The following PTGER3 variants were observed in gnomAD, a reference collection of about 807,000 sequenced individuals.
The protein encoded by PTGER3 is prostaglandin E2 receptor EP3 subtype.
A neutral mutation model predicts 34.7 loss-of-function variants in PTGER3; 22 were observed. That is an observed-to-expected ratio of 0.63 (90% CI 0.45 to 0.91). The LOEUF (loss-of-function observed/expected upper bound fraction) is 0.91, where lower values mean the gene tolerates loss of function less well. PTGER3 is among the 40% of genes least tolerant of loss of function. The pLI, the probability that PTGER3 is intolerant of heterozygous loss-of-function variation, is 0.00. For missense variants in PTGER3, 468 were observed against 519.4 expected, an observed-to-expected ratio of 0.90 and a Z score of 0.96; for synonymous variants, 241 against 230.1, an observed-to-expected ratio of 1.05 and a Z score of -0.43.
At chr1:71,030,819 C>G (rs953144933) in intron 1 of PTGER3, among the ~76,000 whole-genome samples, 2 of 148,682 alleles carry the variant, frequency 1.3e-5, no homozygotes, top group African/African-American at 4.9e-5. Context: ...AATTATCTGA[C>G]CCAGACAATT....
At chr1:71,023,208 C>T (rs1374724663) in intron 1 of PTGER3, among the ~76,000 whole-genome samples, 1 of 151,886 alleles carries the variant, frequency 6.6e-6, no homozygotes, top group Non-Finnish European at 1.5e-5. Flanking sequence ...AGGCCACCAA[C>T]AAGGTTGCAG....
At chr1:70,921,193 C>T (rs112848505) in intron 4 of PTGER3, among the ~76,000 whole-genome samples, 252 of 152,138 alleles carry the variant, frequency 1.7e-3, no homozygotes, top group African/African-American at 5.9e-3. Flanking sequence ...AAGTCTTCCC[C>T]CTCAAGGAGC....
chr1:70,954,771 GT>G (rs1156448109), intron 2 of PTGER3, among the ~76,000 whole-genome samples: 1 of 151,376 alleles, frequency 6.6e-6, no homozygotes, highest in Non-Finnish European at 1.5e-5. Flanking sequence ...CTTTTTTGTT[GT>G]TACATAGTTG....
intron 4 of PTGER3, among the ~76,000 whole-genome samples, chr1:70,885,934 C>A (rs1237548881): frequency 1.3e-5 from 2 of 152,082 alleles, no homozygotes; most frequent in Non-Finnish European, 2.9e-5. Context: ...CCTTTTGTGA[C>A]CATTTCTTAT....
At chr1:71,001,235 ATC>A (rs1656458752) in intron 2 of PTGER3, among the ~76,000 whole-genome samples, 1 of 152,182 alleles carries the variant, frequency 6.6e-6, no homozygotes, top group African/African-American at 2.4e-5. Flanking sequence ...TATAACAGAT[ATC>A]TCTCTTGCTC....
intron 2 of PTGER3, among the ~76,000 whole-genome samples, chr1:70,975,462 T>A (rs1471117783): frequency 6.6e-6 from 1 of 152,132 alleles, no homozygotes; most frequent in African/African-American, 2.4e-5. Flanking sequence ...GAGAAAGAAA[T>A]AAAATCCAGT....
chr1:70,995,207 A>G (rs1036934759), intron 2 of PTGER3, among the ~76,000 whole-genome samples: 3 of 152,214 alleles, frequency 2.0e-5, no homozygotes, highest in Non-Finnish European at 4.4e-5. Context: ...ACATTTAAGC[A>G]AAGTAAACAC....
At chr1:70,997,459 T>G (rs2100798690) in intron 2 of PTGER3, among the ~76,000 whole-genome samples, 1 of 152,278 alleles carries the variant, frequency 6.6e-6, no homozygotes, top group Non-Finnish European at 1.5e-5. Context: ...TCAGAATAGA[T>G]AATAAGCAGA....
intron 4 of PTGER3, among the ~76,000 whole-genome samples, chr1:70,874,483 T>G (rs1191074835): frequency 6.6e-6 from 1 of 152,222 alleles, no homozygotes; most frequent in Non-Finnish European, 1.5e-5. Flanking sequence ...TTTCAGTGTT[T>G]CATTTGTTTT....
intron 1 of PTGER3, among the ~76,000 whole-genome samples, chr1:71,044,439 C>CAA (rs533359070): frequency 1.3e-3 from 138 of 109,312 alleles, no homozygotes; most frequent in Middle Eastern, 5.1e-3. Context: ...GACAGAGTCT[C>CAA]AAAAAAAAAA....
chr1:71,033,356 C>T (rs1415750406), intron 1 of PTGER3, among the ~76,000 whole-genome samples: 1 of 152,210 alleles, frequency 6.6e-6, no homozygotes, highest in African/African-American at 2.4e-5. Flanking sequence ...AGCCTTCTAC[C>T]TGGTGTCCCT....
chr1:70,895,265 T>A (rs1646700460), intron 4 of PTGER3, among the ~76,000 whole-genome samples: 1 of 152,214 alleles, frequency 6.6e-6, no homozygotes, highest in African/African-American at 2.4e-5. Flanking sequence ...TGTATCAGGA[T>A]CTCTGGACAT....
downstream of PTGER3, among the ~76,000 whole-genome samples, chr1:70,969,099 C>G (rs1652826254): frequency 6.6e-6 from 1 of 151,934 alleles, no homozygotes; most frequent in Non-Finnish European, 1.5e-5. Context: ...CCCAGCTACT[C>G]AGGACGCTGA....
At chr1:70,993,731 A>G (rs1288632911) in intron 2 of PTGER3, among the ~76,000 whole-genome samples, 1 of 152,182 alleles carries the variant, frequency 6.6e-6, no homozygotes, top group Non-Finnish European at 1.5e-5. Context: ...TAAGTATAGT[A>G]ATAAGCAGAA....
Position 70,971,269 on chromosome 1 carries a change from T to G in PTGER3, c.*461A>C. 1.0e-6 allele frequency: 1 copy of G among 985,958 alleles called. No homozygotes were observed. Among genetic ancestry groups the G allele is most frequent in the Non-Finnish European group, 1.2e-6 (1 of 830,302 alleles). The allele number at this position is 985,958 out of a possible 1,614,324, so 61.1% of individuals were successfully genotyped here. Reference sequence around the variant, plus strand: ...GCTTTTATATGTCGTTAAGTTCATATCCTATTAATTGAATTATCACTCTCA... The same window carrying G: ...GCTTTTATATGTCGTTAAGTTCATAGCCTATTAATTGAATTATCACTCTCA... On this transcript the variant is annotated 3_prime_UTR_variant, in exon 4 of 4. Transcript: ENST00000306666.
intron 1 of PTGER3, among the ~76,000 whole-genome samples, chr1:71,029,635 A>T (rs1237937656): frequency 6.6e-6 from 1 of 152,142 alleles, no homozygotes; most frequent in Non-Finnish European, 1.5e-5. Flanking sequence ...CACTTAAATC[A>T]GTTTCTATGG....
At chr1:71,007,569 A>G (rs1657081197) in intron 2 of PTGER3, 2 of 985,260 alleles carry the variant, frequency 2.0e-6, no homozygotes, top group Non-Finnish European at 2.4e-6. Context: ...CAGGTAGAAA[A>G]TGGACAGGTT....
chr1:71,044,903 A>C (rs1660625281), intron 1 of PTGER3, among the ~76,000 whole-genome samples: 2 of 152,146 alleles, frequency 1.3e-5, no homozygotes, highest in South Asian at 4.1e-4. Context: ...AAAAACTGAT[A>C]CCCTGTTTGC....
intron 2 of PTGER3, chr1:71,002,324 A>C (rs1191095857): frequency 6.6e-6 from 1 of 152,220 alleles, no homozygotes; most frequent in Non-Finnish European, 1.5e-5. Context: ...GCTGATAAGA[A>C]AATTCAAGTT....
Sources: allele counts gnomAD v4.1 joint callset (sites outside exome capture counted in the v4.1 genomes callset), GRCh38; gene constraint gnomAD v4.1.1; transcripts MANE v1.5; gene names NCBI Gene and HGNC (gene_info 2026-07-23, HGNC 2026-07-21).